The following SMAD2 variants were observed in gnomAD, a reference collection of about 807,000 sequenced individuals.
The protein encoded by SMAD2 is MAD homolog 2.
A neutral mutation model predicts 64.4 loss-of-function variants in SMAD2; 8 were observed. The ratio of observed to expected loss-of-function variants is 0.12; its 90% CI spans 0.07 to 0.22. The LOEUF (loss-of-function observed/expected upper bound fraction) is 0.22. Among genes scored for constraint, SMAD2 ranks in the 10% least tolerant of loss-of-function variants. The pLI, the probability that SMAD2 is intolerant of heterozygous loss-of-function variation, is 1.00. For missense variants in SMAD2, 289 were observed against 561.2 expected (o/e 0.51, Z 4.90); for synonymous variants, 203 against 195.8 (o/e 1.04, Z -0.31).
intron 1 of SMAD2, among the ~76,000 whole-genome samples, chr18:47,924,096 A>C (rs1180235186): frequency 6.6e-6 from 1 of 151,956 alleles, no homozygotes; most frequent in Non-Finnish European, 1.5e-5. Flanking sequence ...TAAAAATACA[A>C]AATTAGCCGG....
At chr18:47,872,713 T>C (rs547548565) in intron 2 of SMAD2, among the ~76,000 whole-genome samples, 1 of 152,096 alleles carries the variant, frequency 6.6e-6, no homozygotes, top group Non-Finnish European at 1.5e-5. Flanking sequence ...GCGAGGGCTT[T>C]AGGCTGGGCA....
rs190151124 is a variant in SMAD2 at position 47,810,762 on chromosome 18, C to T, written c.*31065G>A. ...CCAGGCTGGGCAACACAGCAAGATCCTGTCTCTGTTAAAAAAGAAGAAAGG... is the reference window on the plus strand; with the variant it reads ...CCAGGCTGGGCAACACAGCAAGATCTTGTCTCTGTTAAAAAAGAAGAAAGG... On this transcript the variant is annotated 3_prime_UTR_variant, in exon 11 of 11. Transcript: ENST00000262160. The T allele has an allele frequency of 6.6e-6, 1 of 152,168 alleles. No homozygotes were observed. Among genetic ancestry groups the T allele is most frequent in the East Asian group, 1.9e-4 (1 of 5,146 alleles). The allele number at this position is 152,168 out of a possible 1,614,324, so 9.4% of individuals were successfully genotyped here. A position where few individuals can be genotyped will look rare whatever the true frequency, so the allele number is the denominator to read the frequency against.
In SMAD2 at chr18:47,845,642, T is replaced by A. The variant is rs757938343; in HGVS notation, c.1135+21A>T. The A allele has an allele frequency of 2.5e-6, 4 of 1,613,334 alleles. No individual in the cohort carries two copies. In the Admixed American group the frequency reaches 6.7e-5, roughly 27 times the overall value. ...TAAGCAAGTTGACATGATAGGTTTA[T>A]GTACATTATTGAATCCATACCTGGT... is the stretch of plus-strand genomic sequence containing the variant. On this transcript the variant is annotated intron_variant, in intron 9 of 10. Coordinates refer to ENST00000262160, the MANE Select transcript of SMAD2 (RefSeq NM_005901.6).
rs1297031877 is a variant in SMAD2 at position 47,813,789 on chromosome 18, G to A, written c.*28038C>T. The stretch of plus-strand genomic sequence containing the variant: ...CTGGAAACCTGGGTCTTGAATAATG[G>A]ATACATTTGGAAGTGCAGAGCAAAG... On this transcript the variant is annotated 3_prime_UTR_variant, in exon 11 of 11. Coordinates refer to ENST00000262160, the MANE Select transcript of SMAD2 (RefSeq NM_005901.6). The A allele has an allele frequency of 1.5e-5, 2 of 137,458 alleles. No homozygotes were observed. Among genetic ancestry groups the A allele is most frequent in the Admixed American group, 8.6e-5 (1 of 11,668 alleles). 8.5% of individuals were successfully genotyped at this position (137,458 alleles called of 1,614,324 possible).
At chr18:47,912,858 CAAAAAAAAA>C (rs566813544) in intron 1 of SMAD2, among the ~76,000 whole-genome samples, 2 of 59,244 alleles carry the variant, frequency 3.4e-5, no homozygotes, top group Admixed American at 3.6e-4. Context: ...GTATAAACAG[CAAAAAAAAA>C]AAAAAAAAAA....
chr18:47,849,564 A>G (rs915586843), intron 7 of SMAD2, among the ~76,000 whole-genome samples: 1 of 151,966 alleles, frequency 6.6e-6, no homozygotes, highest in Non-Finnish European at 1.5e-5. Context: ...CCCCTAACTA[A>G]AAACCCTTAG....
At chr18:47,876,932 T>C (rs997616494) in intron 2 of SMAD2, among the ~76,000 whole-genome samples, 1 of 152,070 alleles carries the variant, frequency 6.6e-6, no homozygotes, top group Admixed American at 6.6e-5. Context: ...ACATCTTTGT[T>C]ATGGAGAAAG....
intron 1 of SMAD2, among the ~76,000 whole-genome samples, chr18:47,919,386 G>C (rs2034464718): frequency 1.3e-5 from 2 of 151,186 alleles, no homozygotes; most frequent in South Asian, 4.2e-4. Context: ...TCGAACCCAG[G>C]AGTGCAAGGC....
intron 7 of SMAD2, 53 bp from the exon 8 acceptor site, chr18:47,848,740 T>G: frequency 7.9e-7 from 1 of 1,263,252 alleles, no homozygotes. Context: ...CGTGAACAAT[T>G]CAAGCCAAAA....
At chr18:47,846,910 T>G (rs1914549362) in intron 8 of SMAD2, among the ~76,000 whole-genome samples, 1 of 152,174 alleles carries the variant, frequency 6.6e-6, no homozygotes, top group Non-Finnish European at 1.5e-5. Context: ...ACACTCCAGA[T>G]TTAATACAGA....
chr18:47,832,347 T>C lies in SMAD2; in HGVS notation c.*9480A>G, dbSNP rs1368217967. On this transcript the variant is annotated 3_prime_UTR_variant, in exon 11 of 11. Coordinates refer to ENST00000262160, the MANE Select transcript of SMAD2 (RefSeq NM_005901.6). ...AATGTTGTTGTTCAATGTTGGGAAG[T>C]CCCTTTTAGATTATTTATACAGTGG... The C allele has an allele frequency of 2.0e-5, 3 of 152,284 alleles. No individual in the cohort carries two copies. The highest frequency in any genetic ancestry group is 2.9e-5 in the Non-Finnish European group (2 of 68,022). The allele number at this position is 152,284 out of a possible 1,614,324, so 9.4% of individuals were successfully genotyped here. A position where few individuals can be genotyped will look rare whatever the true frequency, so the allele number is the denominator to read the frequency against.
chr18:47,897,912 A>G (rs543842417), intron 1 of SMAD2, among the ~76,000 whole-genome samples: 5 of 152,344 alleles, frequency 3.3e-5, no homozygotes, highest in Admixed American at 2.6e-4. Flanking sequence ...CATATTTAAT[A>G]AAGTTCCCAA....
In SMAD2 at chr18:47,820,940, C is replaced by CACACACACA. The variant is rs1401161515; in HGVS notation, c.*20886_*20887insTGTGTGTGT. On this transcript the variant is annotated 3_prime_UTR_variant, in exon 11 of 11. Coordinates refer to ENST00000262160, the MANE Select transcript of SMAD2 (RefSeq NM_005901.6). ...ACACACACACACACACACACACACA[C>CACACACACA]AAAATTTGGTCCCCAATGTTAGAAC... 2.2e-5 allele frequency: 3 copies of CACACACACA among 136,068 alleles called. No homozygotes were observed. Among genetic ancestry groups the CACACACACA allele is most frequent in the African/African-American group, 8.0e-5 (3 of 37,668 alleles). 8.4% of individuals were successfully genotyped at this position (136,068 alleles called of 1,614,324 possible). A position where few individuals can be genotyped will look rare whatever the true frequency, so the allele number is the denominator to read the frequency against.
chr18:47,919,510 AC>A (rs1568116920), intron 1 of SMAD2, among the ~76,000 whole-genome samples: 2 of 147,932 alleles, frequency 1.4e-5, no homozygotes, highest in Non-Finnish European at 3.0e-5. Context: ...ACACACACAC[AC>A]ACACACACAA....
intron 1 of SMAD2, among the ~76,000 whole-genome samples, chr18:47,900,044 G>A (rs1487899023): frequency 6.6e-6 from 1 of 151,984 alleles, no homozygotes; most frequent in East Asian, 1.9e-4. Flanking sequence ...AAGGATAACA[G>A]TACCTATCTT....
chr18:47,917,883 G>A (rs2034397253), intron 1 of SMAD2, among the ~76,000 whole-genome samples: 4 of 152,188 alleles, frequency 2.6e-5, no homozygotes, highest in Admixed American at 6.5e-5. Flanking sequence ...GAAACCTCAT[G>A]AGGATAGGGA....
At chr18:47,861,216 C>T (rs1370413170) in intron 6 of SMAD2, among the ~76,000 whole-genome samples, 4 of 152,096 alleles carry the variant, frequency 2.6e-5, no homozygotes, top group African/African-American at 9.6e-5. Flanking sequence ...ATAAGCTGGG[C>T]GTGGTAGTGC....
intron 1 of SMAD2, among the ~76,000 whole-genome samples, chr18:47,916,452 T>C (rs756703437): frequency 1.3e-5 from 2 of 152,208 alleles, no homozygotes; most frequent in African/African-American, 2.4e-5. Flanking sequence ...AGTCTCACTC[T>C]GTCGCCCAGG....
At chr18:47,909,491 T>C (rs1477763819) in intron 1 of SMAD2, among the ~76,000 whole-genome samples, 3 of 152,266 alleles carry the variant, frequency 2.0e-5, no homozygotes, top group Middle Eastern at 6.8e-3. Context: ...GCAAGTGCTG[T>C]ATTCTAGGGG....
Sources: allele counts gnomAD v4.1 joint callset (sites outside exome capture counted in the v4.1 genomes callset), GRCh38; gene constraint gnomAD v4.1.1; transcripts MANE v1.5; gene names NCBI Gene and HGNC (gene_info 2026-07-23, HGNC 2026-07-21).